The following BCO2 variants were observed in gnomAD, a reference collection of about 807,000 sequenced individuals.
BCO2 encodes the protein carotenoid-cleaving dioxygenase, mitochondrial.
In BCO2, 56 loss-of-function variants were observed where a neutral mutation model predicts 65.8. The observed-to-expected ratio is 0.85, with a 90% CI of 0.69 to 1.06. The LOEUF (loss-of-function observed/expected upper bound fraction) is 1.06. BCO2 is among the 50% of genes least tolerant of loss of function. The pLI is 0.00. For missense variants in BCO2, 675 were observed against 698.5 expected, an observed-to-expected ratio of 0.97 and a Z score of 0.38; for synonymous variants, 233 against 242.3, an observed-to-expected ratio of 0.96 and a Z score of 0.36.
chr11:112,179,307 C>G lies in BCO2; in HGVS notation c.118C>G (p.Gln40Glu), dbSNP rs766432726. ...CAAAAGGTACATGGGAAATACTCCT[C>G]AGAAAAAAGCCGTCTTTGGGCAGTG... ...VFKRYMGNTP[Q>E]KKAVFGQCRG... The change falls in exon 2 of 12, where the codon CAG becomes GAG. Residue 40 changes from glutamine to glutamate, a missense_variant. By Grantham distance (29) the Gln-to-Glu change is conservative (BLOSUM62 2). Transcript: ENST00000357685. 2.5e-6 allele frequency: 4 copies of G among 1,614,152 alleles called. No individual in the cohort carries two copies. In the South Asian group the frequency reaches 4.4e-5, roughly 18 times the overall value.
chr11:112,215,252 T>G (rs543802209), intron 10 of BCO2: 9 of 355,128 alleles, frequency 2.5e-5, no homozygotes, highest in South Asian at 1.9e-4. Context: ...ACACAAATTG[T>G]GTTTGATGGT....
At chr11:112,216,194 T>C (rs779183369) in intron 10 of BCO2, 26 bp from the exon 11 acceptor site, 1 of 1,547,516 alleles carries the variant, frequency 6.5e-7, no homozygotes, top group South Asian at 1.1e-5. Context: ...TTGCCTTTTA[T>C]CAAATGCTTT....
At chr11:112,206,848 A>C (rs1859356114) in intron 8 of BCO2, among the ~76,000 whole-genome samples, 1 of 152,212 alleles carries the variant, frequency 6.6e-6, no homozygotes, top group Non-Finnish European at 1.5e-5. Flanking sequence ...TGAACATGGA[A>C]TATCCCTCCA....
At chr11:112,194,180 A>G (rs1019590199) in intron 4 of BCO2, 186 bp downstream of exon 4, 6 of 548,580 alleles carry the variant, frequency 1.1e-5, no homozygotes, top group African/African-American at 3.8e-5. Flanking sequence ...TTCCTTAAAT[A>G]TAATTCTAAA....
At chr11:112,201,466 A>C (rs1867732712) in intron 7 of BCO2, among the ~76,000 whole-genome samples, 1 of 152,178 alleles carries the variant, frequency 6.6e-6, no homozygotes, top group Non-Finnish European at 1.5e-5. Flanking sequence ...TGGCTTCTTA[A>C]TATGTGACTA....
chr11:112,204,914 C>T (rs1159768957), intron 8 of BCO2, among the ~76,000 whole-genome samples: 2 of 152,190 alleles, frequency 1.3e-5, no homozygotes, highest in South Asian at 2.1e-4. Flanking sequence ...ATCTGCCCAC[C>T]TTGGCCTCCC....
At chr11:112,179,519 G>A (rs889437938) in intron 2 of BCO2, 37 bp downstream of exon 2, 14 of 1,566,610 alleles carry the variant, frequency 8.9e-6, no homozygotes, top group Admixed American at 1.7e-5. Flanking sequence ...TGGATTTCTT[G>A]GCATGGGCTG....
intron 8 of BCO2, among the ~76,000 whole-genome samples, chr11:112,202,980 G>C (rs1390196294): frequency 1.3e-5 from 2 of 150,922 alleles, no homozygotes; most frequent in Admixed American, 1.3e-4. Flanking sequence ...AACCCAGGAG[G>C]TGGAGGTTGC....
At chr11:112,217,709 C>A in intron 11 of BCO2, 52 bp from the exon 12 acceptor site, 1 of 1,398,358 alleles carries the variant, frequency 7.2e-7, no homozygotes, top group Non-Finnish European at 1.0e-6. Flanking sequence ...AGGAGACAGG[C>A]AAATTTTTGA....
intron 2 of BCO2, chr11:112,181,171 A>C: frequency 2.6e-6 from 2 of 781,354 alleles, no homozygotes; most frequent in Non-Finnish European, 2.2e-6. Flanking sequence ...AAGATGATAG[A>C]GGAGCTTTCT....
At chr11:112,194,025 A>G in intron 4 of BCO2, 31 bp downstream of exon 4, 1 of 1,145,034 alleles carries the variant, frequency 8.7e-7, no homozygotes. Flanking sequence ...AATGAATAAA[A>G]TAGATCCTAA....
chr11:112,194,457 G>A, intron 4 of BCO2, 196 bp from the exon 5 acceptor site: 1 of 517,158 alleles, frequency 1.9e-6, no homozygotes, highest in Non-Finnish European at 3.3e-6. Flanking sequence ...TAGTGGTGAT[G>A]TGTTTTTGTT....
chr11:112,183,172 T>C, intron 2 of BCO2: 1 of 1,000,544 alleles, frequency 1.0e-6, no homozygotes. Context: ...CCACTATACA[T>C]GTCACAAAGT....
chr11:112,200,046 A>ACAGT (rs2135379227), intron 6 of BCO2, among the ~76,000 whole-genome samples: 2 of 152,322 alleles, frequency 1.3e-5, no homozygotes, highest in African/African-American at 4.8e-5. Context: ...TTGCTTTAGT[A>ACAGT]TAAGCAATTA....
intron 2 of BCO2, among the ~76,000 whole-genome samples, chr11:112,186,090 T>C (rs962408273): frequency 6.6e-6 from 1 of 152,112 alleles, no homozygotes; most frequent in African/African-American, 2.4e-5. Context: ...AAAAAGATTA[T>C]GAGGCAAAGA....
At chr11:112,181,782 C>G in intron 2 of BCO2, 1 of 836,540 alleles carries the variant, frequency 1.2e-6, no homozygotes, top group South Asian at 1.3e-5. Flanking sequence ...TTTGGACCTT[C>G]GATACATTCA....
intron 1 of BCO2, 174 bp downstream of exon 1, chr11:112,175,863 G>A (rs2135339536): frequency 1.9e-6 from 1 of 532,982 alleles, no homozygotes; most frequent in East Asian, 2.8e-5. Flanking sequence ...GCTGAGTTAG[G>A]ATTGTTTCCT....
intron 2 of BCO2, chr11:112,179,735 C>A: frequency 2.1e-6 from 1 of 469,626 alleles, no homozygotes; most frequent in Non-Finnish European, 3.9e-6. Flanking sequence ...GTGTCAGAAG[C>A]TGTCAGTGTG....
At chr11:112,205,146 G>A (rs566512438) in intron 8 of BCO2, among the ~76,000 whole-genome samples, 9 of 152,202 alleles carry the variant, frequency 5.9e-5, no homozygotes, top group African/African-American at 1.9e-4. Context: ...GTGGATTTTC[G>A]ACTATGTAGG....
Sources: allele counts gnomAD v4.1 joint callset (sites outside exome capture counted in the v4.1 genomes callset), GRCh38; gene constraint gnomAD v4.1.1; transcripts MANE v1.5; gene names NCBI Gene and HGNC (gene_info 2026-07-23, HGNC 2026-07-21).